NR2F1-AS1: variants seen among roughly 807,000 people sequenced by gnomAD.
The protein encoded by NR2F1-AS1 is NR2F1 regulatory antisense RNA 1, also known as NR2F1 antisense RNA 1.
At chr5:93,581,743 C>T (rs797001583), upstream of NR2F1-AS1, among the ~76,000 whole-genome samples, 5 of 32,912 alleles carry the variant, frequency 1.5e-4, no homozygotes, top group Admixed American at 5.8e-4. Flanking sequence ...TCCCCCTCTC[C>T]CTCTCCCTCT....
At chr5:93,581,735 C>T (rs866624262), upstream of NR2F1-AS1, among the ~76,000 whole-genome samples, 56 of 26,770 alleles carry the variant, frequency 2.1e-3, 2 homozygotes, top group African/African-American at 8.6e-3. Context: ...TCTCTCTCTC[C>T]CCCTCTCCCT....
chr5:93,459,414 T>C (rs1397777895), intron 4 of NR2F1-AS1, among the ~76,000 whole-genome samples: 6 of 152,116 alleles, frequency 3.9e-5, no homozygotes, highest in African/African-American at 1.4e-4. Flanking sequence ...GAGACTACAA[T>C]TAAAATATTA....
intron 4 of NR2F1-AS1, among the ~76,000 whole-genome samples, chr5:93,423,909 A>C (rs1049168185): frequency 6.6e-5 from 10 of 151,874 alleles, no homozygotes; most frequent in Admixed American, 1.3e-4. Flanking sequence ...CTCTCAGACT[A>C]CTCTGTCTTT....
intron 1 of NR2F1-AS1, among the ~76,000 whole-genome samples, chr5:93,576,165 A>G (rs1166845922): frequency 6.6e-6 from 1 of 152,236 alleles, no homozygotes; most frequent in Admixed American, 6.5e-5. Flanking sequence ...GAGCCCTAGA[A>G]TAGCCAAGGA....
At chr5:93,432,539 A>T (rs1749348731) in intron 4 of NR2F1-AS1, 1 of 151,714 alleles carries the variant, frequency 6.6e-6, no homozygotes. Flanking sequence ...CTTCTTCCTG[A>T]CTCCTTTAGC....
intron 2 of NR2F1-AS1, among the ~76,000 whole-genome samples, chr5:93,556,818 T>A (rs1052218288): frequency 6.6e-6 from 1 of 152,178 alleles, no homozygotes; most frequent in Non-Finnish European, 1.5e-5. Flanking sequence ...ACTTCTATCC[T>A]CCAGAACTGA....
intron 4 of NR2F1-AS1, among the ~76,000 whole-genome samples, chr5:93,517,593 T>C (rs1221708424): frequency 6.6e-6 from 1 of 152,072 alleles, no homozygotes; most frequent in South Asian, 2.1e-4. Context: ...AACTATGTAA[T>C]TGCAGAATAT....
intron 4 of NR2F1-AS1, among the ~76,000 whole-genome samples, chr5:93,432,733 T>C (rs1749352623): frequency 6.6e-6 from 1 of 152,222 alleles, no homozygotes; most frequent in South Asian, 2.1e-4. Flanking sequence ...GTACGCTGCC[T>C]ACAATTATAG....
intron 4 of NR2F1-AS1, among the ~76,000 whole-genome samples, chr5:93,465,691 T>C (rs1268436724): frequency 6.6e-6 from 1 of 152,066 alleles, no homozygotes; most frequent in Non-Finnish European, 1.5e-5. Context: ...CCATCAATGA[T>C]AGACTGGATT....
intron 4 of NR2F1-AS1, among the ~76,000 whole-genome samples, chr5:93,529,787 A>G (rs978691199): frequency 1.3e-5 from 2 of 152,208 alleles, no homozygotes; most frequent in African/African-American, 4.8e-5. Context: ...TATTTTCTGT[A>G]ACTATTTTGT....
intron 4 of NR2F1-AS1, chr5:93,543,533 G>A (rs924366787): frequency 4.6e-5 from 7 of 151,968 alleles, no homozygotes; most frequent in Non-Finnish European, 1.0e-4. Context: ...GAACTGGAGG[G>A]CAGATAAGAA....
chr5:93,505,225 G>C (rs915141369), intron 4 of NR2F1-AS1, among the ~76,000 whole-genome samples: 1 of 152,208 alleles, frequency 6.6e-6, no homozygotes, highest in African/African-American at 2.4e-5. Flanking sequence ...TCATGCTGAT[G>C]CAAGAGGTCG....
intron 4 of NR2F1-AS1, among the ~76,000 whole-genome samples, chr5:93,499,594 T>G (rs1751036580): frequency 1.3e-5 from 2 of 152,090 alleles, no homozygotes; most frequent in African/African-American, 4.8e-5. Context: ...CTCTATCTGT[T>G]TCTCTCTCCT....
At chr5:93,507,180 A>C (rs781423408) in intron 4 of NR2F1-AS1, among the ~76,000 whole-genome samples, 6 of 152,234 alleles carry the variant, frequency 3.9e-5, no homozygotes, top group Non-Finnish European at 8.8e-5. Flanking sequence ...CAAACTAAGA[A>C]TACAAGAAAA....
intron 4 of NR2F1-AS1, among the ~76,000 whole-genome samples, chr5:93,426,530 A>G (rs1338413781): frequency 6.6e-6 from 1 of 152,224 alleles, no homozygotes; most frequent in Non-Finnish European, 1.5e-5. Flanking sequence ...TCAAAACCTA[A>G]CTACCTGTGT....
chr5:93,487,638 G>A (rs1750753928), intron 4 of NR2F1-AS1, among the ~76,000 whole-genome samples: 1 of 152,138 alleles, frequency 6.6e-6, no homozygotes, highest in African/African-American at 2.4e-5. Flanking sequence ...TGGATAGGAA[G>A]AATCAATATC....
At chr5:93,558,029 G>A (rs908806287) in intron 2 of NR2F1-AS1, among the ~76,000 whole-genome samples, 3 of 151,938 alleles carry the variant, frequency 2.0e-5, no homozygotes, top group African/African-American at 7.3e-5. Flanking sequence ...GCAGCAATTC[G>A]GTCACATCTT....
intron 4 of NR2F1-AS1, among the ~76,000 whole-genome samples, chr5:93,478,516 G>T (rs528027490): frequency 6.6e-6 from 1 of 152,218 alleles, no homozygotes; most frequent in Admixed American, 6.5e-5. Context: ...CAATTATCCT[G>T]CTTCAGCCTC....
intron 1 of NR2F1-AS1, among the ~76,000 whole-genome samples, chr5:93,563,827 G>A (rs1186142926): frequency 6.6e-6 from 1 of 151,974 alleles, no homozygotes; most frequent in East Asian, 1.9e-4. Context: ...ACCAGGCCGG[G>A]TGCAGTGGCT....
Sources: allele counts gnomAD v4.1 joint callset (sites outside exome capture counted in the v4.1 genomes callset), GRCh38; gene constraint gnomAD v4.1.1; transcripts MANE v1.5; gene names NCBI Gene and HGNC (gene_info 2026-07-23, HGNC 2026-07-21).